The following TIMM9 variants were observed in gnomAD, a reference collection of about 807,000 sequenced individuals.
The protein encoded by TIMM9 is translocase of inner mitochondrial membrane 9.
Under a neutral mutation model 13.4 loss-of-function variants are expected in TIMM9, and 10 were observed. That is an observed-to-expected ratio of 0.75 (90% CI 0.46 to 1.26). The LOEUF (loss-of-function observed/expected upper bound fraction) is 1.26. Among genes scored for constraint, TIMM9 ranks in the 50% most tolerant of loss-of-function variants. The pLI is 0.00. For missense variants in TIMM9, 87 were observed against 100.8 expected, an observed-to-expected ratio of 0.86 and a Z score of 0.58; for synonymous variants, 32 against 32.1, an observed-to-expected ratio of 1.00 and a Z score of 0.01.
At chr14:58,421,544 T>A (rs1452214292) in intron 3 of TIMM9, among the ~76,000 whole-genome samples, 1 of 152,152 alleles carries the variant, frequency 6.6e-6, no homozygotes, top group Non-Finnish European at 1.5e-5. Context: ...TTGTTGGAAG[T>A]GTATTTCAAT....
chr14:58,413,256 A>G (rs2036280199), intron 3 of TIMM9, among the ~76,000 whole-genome samples: 1 of 152,212 alleles, frequency 6.6e-6, no homozygotes, highest in Non-Finnish European at 1.5e-5. Context: ...GTAGATTCAT[A>G]TATCTGAGCC....
chr14:58,411,264 A>G (rs1308844308), intron 4 of TIMM9, among the ~76,000 whole-genome samples: 2 of 152,014 alleles, frequency 1.3e-5, no homozygotes, highest in Non-Finnish European at 2.9e-5. Context: ...CCTGGCCAAC[A>G]TGGTGAAACC....
intron 3 of TIMM9, among the ~76,000 whole-genome samples, chr14:58,419,298 T>C (rs2036511356): frequency 6.6e-6 from 1 of 151,538 alleles, no homozygotes. Context: ...TACAAATAAT[T>C]AAGAAAATTA....
At chr14:58,413,745 C>A (rs907482982) in intron 3 of TIMM9, among the ~76,000 whole-genome samples, 1 of 152,030 alleles carries the variant, frequency 6.6e-6, no homozygotes, top group Non-Finnish European at 1.5e-5. Flanking sequence ...TGGTGGCTCA[C>A]GCCTGTAATC....
At chr14:58,419,841 C>T (rs547224234) in intron 3 of TIMM9, among the ~76,000 whole-genome samples, 1 of 152,034 alleles carries the variant, frequency 6.6e-6, no homozygotes, top group South Asian at 2.1e-4. Context: ...GGATTGCGCC[C>T]AGGAGGCAGA....
chr14:58,425,198 G>A (rs2036697985), intron 2 of TIMM9, among the ~76,000 whole-genome samples: 2 of 152,036 alleles, frequency 1.3e-5, no homozygotes. Context: ...ATCACGTGCG[G>A]TCAGGAGTTC....
intron 3 of TIMM9, among the ~76,000 whole-genome samples, chr14:58,422,296 G>C (rs1467280142): frequency 1.3e-5 from 2 of 151,888 alleles, no homozygotes; most frequent in African/African-American, 4.8e-5. Context: ...TCTATTTTTA[G>C]TAGAGACGGG....
Position 58,411,901 on chromosome 14 carries a change from C to G in TIMM9, c.39+6G>C. The G allele has an allele frequency of 6.2e-7, 1 of 1,613,610 alleles. No individual in the cohort carries two copies. The highest frequency in any genetic ancestry group is 1.7e-5 in the Admixed American group (1 of 59,998). On this transcript the variant is annotated splice_donor_region_variant and intron_variant, in intron 4 of 5. Transcript: ENST00000395159. ...AAATCTTTTCCCCTTAATTAGAATA[C>G]CTTACCTGTTTTATCTGATCAGATT...
intron 4 of TIMM9, among the ~76,000 whole-genome samples, chr14:58,411,225 A>AT (rs1010179329): frequency 6.6e-6 from 1 of 152,140 alleles, no homozygotes; most frequent in Admixed American, 6.6e-5. Flanking sequence ...AGGTGGGCGG[A>AT]TTACCTGAGG....
intron 3 of TIMM9, among the ~76,000 whole-genome samples, chr14:58,419,419 C>T (rs957702170): frequency 4.0e-5 from 6 of 149,068 alleles, no homozygotes; most frequent in African/African-American, 9.9e-5. Context: ...TGCGCCACTA[C>T]GCTCCAGTCT....
chr14:58,420,020 A>G (rs1241983603), intron 3 of TIMM9, among the ~76,000 whole-genome samples: 1 of 152,224 alleles, frequency 6.6e-6, no homozygotes, highest in Non-Finnish European at 1.5e-5. Flanking sequence ...CAACTCCTGG[A>G]CTTAAGCAGC....
intron 3 of TIMM9, among the ~76,000 whole-genome samples, chr14:58,422,428 T>A (rs2140341339): frequency 6.6e-6 from 1 of 152,224 alleles, no homozygotes; most frequent in South Asian, 2.1e-4. Context: ...AAGTATGAAA[T>A]CTTTAAATGT....
intron 3 of TIMM9, among the ~76,000 whole-genome samples, chr14:58,417,128 A>G (rs7143205): frequency 0.21 from 31,553 of 151,842 alleles, 4,256 homozygotes; most frequent in African/African-American, 0.38. Context: ...CCATCCATGT[A>G]AGATGTGACT....
At position 58,412,911 on chromosome 14, in the gene TIMM9, AATAATAATG is replaced by A. The variant is rs1326327515; in HGVS notation, c.-26-949_-26-941del. Among the ~76,000 whole-genome samples the A allele has an allele frequency of 1.1e-4, 17 of 152,170 alleles. No homozygotes were observed. The East Asian group carries it at 3.3e-3, about 29-fold the overall frequency. ...GTGAGACTCCATCTCAAATAATAAT[AATAATAATG>A]ATAATAAAAAGAAAAATAAAGGAAA... On this transcript the variant is annotated intron_variant, in intron 3 of 5. Transcript: ENST00000395159.
At chr14:58,426,409 G>A (rs1595039334) in intron 2 of TIMM9, among the ~76,000 whole-genome samples, 1 of 151,690 alleles carries the variant, frequency 6.6e-6, no homozygotes, top group East Asian at 2.0e-4. Flanking sequence ...GTTTCACCTT[G>A]CTGGCCAGGC....
chr14:58,427,378 G>C lies in TIMM9; in HGVS notation c.-304+14C>G. 2.2e-6 allele frequency: 1 copy of C among 459,064 alleles called. No homozygotes were observed. The highest frequency in any genetic ancestry group is 3.1e-5 in the South Asian group (1 of 32,252). The allele number at this position is 459,064 out of a possible 1,614,324, so 28.4% of individuals were successfully genotyped here. On this transcript the variant is annotated intron_variant, in intron 1 of 5. Coordinates refer to ENST00000395159, the MANE Select transcript of TIMM9 (RefSeq NM_012460.4). Reference sequence around the variant, plus strand: ...GACCCGAATCTGTCGAAACTTCTTGGAAGCCTAATTTACCTAATCCCACGT... The same window carrying C: ...GACCCGAATCTGTCGAAACTTCTTGCAAGCCTAATTTACCTAATCCCACGT...
chr14:58,410,258 A>G (rs1273164570), intron 5 of TIMM9, among the ~76,000 whole-genome samples: 1 of 151,634 alleles, frequency 6.6e-6, no homozygotes, highest in East Asian at 1.9e-4. Context: ...TATTTTTTGT[A>G]AAGACAGGGT....
chr14:58,424,002 T>G lies in TIMM9; in HGVS notation c.-27+6A>C, dbSNP rs1357596012. 6.6e-6 allele frequency: 1 copy of G among 152,176 alleles called. No individual in the cohort carries two copies. The highest frequency in any genetic ancestry group is 1.5e-5 in the Non-Finnish European group (1 of 68,028). 9.4% of individuals were successfully genotyped at this position (152,176 alleles called of 1,614,324 possible). On this transcript the variant is annotated splice_donor_region_variant and intron_variant, in intron 3 of 5. Transcript: ENST00000395159. ...AGGGAGATCTTATCAGTCATCAAGC[T>G]CTAACCTTTTCTGATGCATGAGTTT... is the stretch of plus-strand genomic sequence containing the variant.
intron 4 of TIMM9, 74 bp from the exon 5 acceptor site, chr14:58,411,012 A>AT: frequency 9.7e-7 from 1 of 1,027,696 alleles, no homozygotes; most frequent in Non-Finnish European, 1.5e-6. Flanking sequence ...AATTACTGGT[A>AT]TTTTATATTT....
Sources: gnomAD v4.1 joint callset for allele counts (sites outside exome capture counted in the v4.1 genomes callset) on GRCh38, gnomAD v4.1.1 for gene constraint, MANE v1.5 for transcripts, NCBI Gene and HGNC (gene_info 2026-07-23, HGNC 2026-07-21) for gene names.